ADSS2: variants seen among roughly 807,000 people sequenced by gnomAD.
ADSS2 encodes the protein adenylosuccinate synthase 2, also known as adenylosuccinate synthetase isozyme 2.
ADSS2 carries 30 observed loss-of-function variants against 60.0 expected under a neutral mutation model. That is an observed-to-expected ratio of 0.50 (90% confidence interval 0.37 to 0.68). The LOEUF (loss-of-function observed/expected upper bound fraction) is 0.68. Among genes scored for constraint, ADSS2 ranks in the 30% least tolerant of loss-of-function variants. The probability of loss-of-function intolerance (pLI) is 0.00; values close to 1 mark genes in which losing one functional copy is unlikely to be tolerated. For missense variants in ADSS2, 373 were observed against 554.8 expected, an observed-to-expected ratio of 0.67 and a Z score of 3.29; for synonymous variants, 187 against 193.1, an observed-to-expected ratio of 0.97 and a Z score of 0.26.
intron 1 of ADSS2, among the ~76,000 whole-genome samples, chr1:244,440,625 T>C (rs1312292994): frequency 6.6e-6 from 1 of 152,158 alleles, no homozygotes; most frequent in Non-Finnish European, 1.5e-5. Context: ...GGCACAGAAC[T>C]ATGCACAGTA....
chr1:244,422,703 A>T, intron 7 of ADSS2, 132 bp downstream of exon 7: 1 of 657,836 alleles, frequency 1.5e-6, no homozygotes, highest in South Asian at 2.0e-5. Context: ...AAAGTCACTC[A>T]AACATACCAT....
chr1:244,451,548 G>A lies in ADSS2; in HGVS notation c.183+87C>T. 2.1e-6 allele frequency: 3 copies of A among 1,418,442 alleles called. No individual in the cohort carries two copies. The highest frequency in any genetic ancestry group is 1.3e-5 in the South Asian group (1 of 74,324). 87.9% of individuals were successfully genotyped at this position (1,418,442 alleles called of 1,614,324 possible). A position where few individuals can be genotyped will look rare whatever the true frequency, so the allele number is the denominator to read the frequency against. The stretch of plus-strand genomic sequence containing the variant: ...CACCTCATTTTGGCCAGTGGATCCG[G>A]GTTCTGGGTCCGAGTTCCCGGGCAC... On this transcript the variant is annotated intron_variant, in intron 1 of 12. Coordinates refer to ENST00000366535, the MANE Select transcript of ADSS2 (RefSeq NM_001126.5). The surrounding 1 kb of genome is among the most constrained non-coding windows in gnomAD (Gnocchi z 6.6).
chr1:244,414,274 T>C (rs939746641), intron 11 of ADSS2, among the ~76,000 whole-genome samples: 2 of 152,166 alleles, frequency 1.3e-5, no homozygotes, highest in African/African-American at 2.4e-5. Flanking sequence ...AAGCTCGAGA[T>C]GGTCTAAATG....
chr1:244,443,767 G>C (rs1030083871), intron 1 of ADSS2, among the ~76,000 whole-genome samples: 8 of 152,126 alleles, frequency 5.3e-5, no homozygotes, highest in African/African-American at 1.9e-4. Context: ...TCCACAGATG[G>C]GGAGGCCTAG....
At chr1:244,440,989 TATC>T (rs1485438155) in intron 1 of ADSS2, among the ~76,000 whole-genome samples, 3 of 152,228 alleles carry the variant, frequency 2.0e-5, no homozygotes, top group Admixed American at 2.0e-4. Flanking sequence ...TGTGTAATTT[TATC>T]ATCAATTCTG....
intron 3 of ADSS2, among the ~76,000 whole-genome samples, chr1:244,435,228 G>C (rs1415019956): frequency 1.4e-5 from 2 of 139,768 alleles, no homozygotes; most frequent in African/African-American, 2.7e-5. Flanking sequence ...CAGTAATTGA[G>C]TGTTTTAAAT....
chr1:244,447,662 A>G (rs1457563750), intron 1 of ADSS2, among the ~76,000 whole-genome samples: 4 of 152,218 alleles, frequency 2.6e-5, no homozygotes, highest in Admixed American at 2.6e-4. Flanking sequence ...ATTTTAATAT[A>G]AACAAAGACT....
At chr1:244,430,081 T>C (rs538561790) in intron 4 of ADSS2, among the ~76,000 whole-genome samples, 1 of 152,074 alleles carries the variant, frequency 6.6e-6, no homozygotes, top group Non-Finnish European at 1.5e-5. Context: ...TCAGAAATAC[T>C]TTCCTTTAAG....
Position 244,408,869 on chromosome 1 carries a change from G to A in ADSS2, c.*717C>T, listed in dbSNP as rs1471063523. On this transcript the variant is annotated 3_prime_UTR_variant, in exon 13 of 13. Transcript: ENST00000366535. ...CATATATTACAACAGATCTTTTAAT[G>A]ACTATTTTTAACATAAAGATTGTTG... is the stretch of plus-strand genomic sequence containing the variant. 1 of 152,228 alleles carries A rather than the reference G, an allele frequency of 6.6e-6. No individual in the cohort carries two copies. Among genetic ancestry groups the A allele is most frequent in the Non-Finnish European group, 1.5e-5 (1 of 67,998 alleles). 9.4% of individuals were successfully genotyped at this position (152,228 alleles called of 1,614,324 possible). A position where few individuals can be genotyped will look rare whatever the true frequency, so the allele number is the denominator to read the frequency against.
chr1:244,451,874 A>G lies in ADSS2; in HGVS notation c.-57T>C. 1.4e-6 allele frequency: 2 copies of G among 1,467,378 alleles called. No homozygotes were observed. Among genetic ancestry groups the G allele is most frequent in the Non-Finnish European group, 1.8e-6 (2 of 1,106,312 alleles). The allele number at this position is 1,467,378 out of a possible 1,614,324, so 90.9% of individuals were successfully genotyped here. ...GAGGCGGCCGGCGAGGAGTGAGCGA[A>G]CTGAACTGCTCTGCGGCCGCCAGCC... On this transcript the variant is annotated 5_prime_UTR_variant, in exon 1 of 13. Coordinates refer to ENST00000366535, the MANE Select transcript of ADSS2 (RefSeq NM_001126.5). The surrounding 1 kb of genome is among the most constrained non-coding windows in gnomAD (Gnocchi z 6.6).
rs561037486 is a variant in ADSS2, at chr1:244,426,451, T to C, written c.407-2064A>G. ...TAATTACTTTCATAAGACTTCACCA[T>C]GGCATGGAGCATTAATGCCTCCACT... is the stretch of plus-strand genomic sequence containing the variant. On this transcript the variant is annotated intron_variant, in intron 4 of 12. Coordinates refer to ENST00000366535, the MANE Select transcript of ADSS2 (RefSeq NM_001126.5). 4.6e-5 allele frequency among the ~76,000 whole-genome samples: 7 copies of C among 152,212 alleles called. No homozygotes were observed. The East Asian group carries it at 1.2e-3, about 25-fold the overall frequency.
At chr1:244,442,527 T>C (rs140289208) in intron 1 of ADSS2, among the ~76,000 whole-genome samples, 9 of 152,312 alleles carry the variant, frequency 5.9e-5, no homozygotes, top group African/African-American at 2.2e-4. Flanking sequence ...CATTGTTAAA[T>C]ATACCCAGAA....
At chr1:244,413,602 A>C (rs1664465037) in intron 11 of ADSS2, among the ~76,000 whole-genome samples, 1 of 152,178 alleles carries the variant, frequency 6.6e-6, no homozygotes, top group Non-Finnish European at 1.5e-5. Flanking sequence ...AGCAGCTAGA[A>C]TCAGCAGCGC....
Position 244,432,606 on chromosome 1 carries a change from G to A in ADSS2, c.356-11C>T. 3 of 1,486,734 alleles carry A rather than the reference G, an allele frequency of 2.0e-6. No individual in the cohort carries two copies. Among genetic ancestry groups the A allele is most frequent in the South Asian group, 1.3e-5 (1 of 79,992 alleles). 92.1% of individuals were successfully genotyped at this position (1,486,734 alleles called of 1,614,324 possible). ...CCCAGCCTTCTAGTCCTAGAAAGGGGAAAAAGATATATTTAATTGAATATT... is the reference window on the plus strand; with the variant it reads ...CCCAGCCTTCTAGTCCTAGAAAGGGAAAAAAGATATATTTAATTGAATATT... On this transcript the variant is annotated splice_polypyrimidine_tract_variant and intron_variant, in intron 3 of 12. Coordinates refer to ENST00000366535, the MANE Select transcript of ADSS2 (RefSeq NM_001126.5).
At chr1:244,435,391 G>A (rs1362866461) in intron 3 of ADSS2, among the ~76,000 whole-genome samples, 1 of 151,894 alleles carries the variant, frequency 6.6e-6, no homozygotes, top group Non-Finnish European at 1.5e-5. Flanking sequence ...TGAGATCTCT[G>A]GGGGGTGGGG....
At chr1:244,448,752 TCTTGG>T (rs1221901249) in intron 1 of ADSS2, among the ~76,000 whole-genome samples, 1 of 152,206 alleles carries the variant, frequency 6.6e-6, no homozygotes, top group African/African-American at 2.4e-5. Context: ...AAAGGGACTT[TCTTGG>T]TCCCATACTT....
rs764324126 is a variant in ADSS2, at chr1:244,411,281, G to A, written c.1318+6C>T. Reference sequence around the variant, plus strand: ...AAAAACTTATTCACAAAGTGTTTATGTTTACCTGGAATTTGAAGCTCATCT... The same window carrying A: ...AAAAACTTATTCACAAAGTGTTTATATTTACCTGGAATTTGAAGCTCATCT... On this transcript the variant is annotated splice_donor_region_variant and intron_variant, in intron 12 of 12. Transcript: ENST00000366535. The A allele has an allele frequency of 1.9e-6, 3 of 1,601,136 alleles. No homozygotes were observed. The African/African-American group carries it at 4.1e-5, about 22-fold the overall frequency.
intron 11 of ADSS2, among the ~76,000 whole-genome samples, chr1:244,412,130 T>C (rs757907931): frequency 1.3e-5 from 2 of 152,190 alleles, no homozygotes; most frequent in East Asian, 1.9e-4. Flanking sequence ...AATGTAGGAA[T>C]AGAAACAACC....
intron 3 of ADSS2, among the ~76,000 whole-genome samples, chr1:244,436,307 A>G (rs1295722950): frequency 6.6e-6 from 1 of 152,232 alleles, no homozygotes; most frequent in African/African-American, 2.4e-5. Flanking sequence ...TAAAAATCCA[A>G]GAGATCAGGA....
Sources: allele counts gnomAD v4.1 joint callset (sites outside exome capture counted in the v4.1 genomes callset), GRCh38; gene constraint gnomAD v4.1.1; non-coding constraint Gnocchi (gnomAD v3.1); transcripts MANE v1.5; gene names NCBI Gene and HGNC (gene_info 2026-07-23, HGNC 2026-07-21).